The following DPP6 variants were observed in gnomAD, a reference collection of about 807,000 sequenced individuals.
The protein encoded by DPP6 is dipeptidyl peptidase like 6, also known as A-type potassium channel modulatory protein DPP6.
DPP6 carries 69 observed loss-of-function variants against 122.6 expected under a neutral mutation model. That is an observed-to-expected ratio of 0.56 (90% confidence interval 0.46 to 0.69). DPP6 has a LOEUF of 0.69. Ranked by LOEUF, DPP6 falls within the 30% of genes least tolerant of loss-of-function variation. The pLI, the probability that DPP6 is intolerant of heterozygous loss-of-function variation, is 0.00. For synonymous variants in DPP6, 418 were observed against 433.1 expected, an observed-to-expected ratio of 0.97 and a Z score of 0.43; for missense variants, 928 against 1,116.9, an observed-to-expected ratio of 0.83 and a Z score of 2.41.
At chr7:154,340,539 A>T (rs1336826706) in intron 1 of DPP6, among the ~76,000 whole-genome samples, 1 of 152,168 alleles carries the variant, frequency 6.6e-6, no homozygotes, top group Non-Finnish European at 1.5e-5. Flanking sequence ...TCTGATTTTA[A>T]TGAGTGTATT....
rs115672093 is a variant in DPP6, at chr7:154,583,974, G to A, written c.627+17058G>A. 3.4e-3 allele frequency among the ~76,000 whole-genome samples: 511 copies of A among 152,148 alleles called. 8 individuals are homozygous for A. Among genetic ancestry groups the A allele is most frequent in the African/African-American group, 0.012 (478 of 41,520 alleles). On this transcript the variant is annotated intron_variant, in intron 5 of 25. Transcript: ENST00000377770. ...CTGTCTCCCTGGCCCAGGCAGCATCGCCATCCCCCTGCCTTTGGGATATGT... is the reference window on the plus strand; with the variant it reads ...CTGTCTCCCTGGCCCAGGCAGCATCACCATCCCCCTGCCTTTGGGATATGT...
intron 1 of DPP6, among the ~76,000 whole-genome samples, chr7:153,999,480 T>C (rs2129045180): frequency 6.6e-6 from 1 of 152,338 alleles, no homozygotes; most frequent in African/African-American, 2.4e-5. Context: ...CTTTTTCCTT[T>C]TCTGAATGCA....
At chr7:154,278,944 G>A (rs1225039020) in intron 1 of DPP6, among the ~76,000 whole-genome samples, 1 of 151,582 alleles carries the variant, frequency 6.6e-6, no homozygotes, top group South Asian at 2.1e-4. Context: ...TGTGTTTGTT[G>A]TGTGGTATGT....
At chr7:153,975,839 G>A (rs952521777) in intron 1 of DPP6, among the ~76,000 whole-genome samples, 7 of 152,324 alleles carry the variant, frequency 4.6e-5, no homozygotes, top group South Asian at 2.1e-4. Flanking sequence ...GGCTCTAGCC[G>A]TCACTCAATG....
chr7:154,088,055 A>C (rs1178552638), intron 1 of DPP6, among the ~76,000 whole-genome samples: 1 of 152,098 alleles, frequency 6.6e-6, no homozygotes, highest in African/African-American at 2.4e-5. Flanking sequence ...ATTGGAATCT[A>C]CCCTCTCAGC....
chr7:154,061,675 T>C (rs1235136856), intron 1 of DPP6, among the ~76,000 whole-genome samples: 2 of 131,820 alleles, frequency 1.5e-5, no homozygotes, highest in Admixed American at 7.2e-5. Context: ...CTTCCCCCCC[T>C]GGCTCTTGGG....
chr7:154,630,097 G>A (rs1396418343), intron 5 of DPP6, among the ~76,000 whole-genome samples: 4 of 152,212 alleles, frequency 2.6e-5, no homozygotes, highest in African/African-American at 9.6e-5. Context: ...TAAGCAACTT[G>A]TGCAAGTTCA....
At chr7:154,711,670 A>G (rs1248052732) in intron 7 of DPP6, among the ~76,000 whole-genome samples, 1 of 151,890 alleles carries the variant, frequency 6.6e-6, no homozygotes, top group Non-Finnish European at 1.5e-5. Flanking sequence ...CTTTTTTATC[A>G]TCTCACCCTT....
the DPP6 span, among the ~76,000 whole-genome samples, chr7:153,808,185 C>CTG: frequency 4.9e-5 from 7 of 143,836 alleles, no homozygotes; most frequent in African/African-American, 1.0e-4. Context: ...CTTGTTGCCA[C>CTG]TGTGTGTGTG....
chr7:154,599,351 G>T (rs12719626), intron 5 of DPP6, among the ~76,000 whole-genome samples: 13 of 151,852 alleles, frequency 8.6e-5, no homozygotes, highest in African/African-American at 3.1e-4. Context: ...CAAAACCACC[G>T]CATTAAGTGG....
intron 1 of DPP6, among the ~76,000 whole-genome samples, chr7:153,933,656 T>C (rs1801281167): frequency 6.6e-6 from 1 of 151,454 alleles, no homozygotes; most frequent in African/African-American, 2.4e-5. Flanking sequence ...TGTTAAAATA[T>C]TTGCAATGCC....
intron 17 of DPP6, among the ~76,000 whole-genome samples, chr7:154,857,834 A>G (rs2150589187): frequency 6.6e-6 from 1 of 152,344 alleles, no homozygotes; most frequent in South Asian, 2.1e-4. Context: ...CACTTCACAC[A>G]TCAGCCTTTG....
chr7:154,887,710 T>G lies in DPP6; in HGVS notation c.2280T>G (p.His760Gln). 1 of 1,613,922 alleles carries G rather than the reference T, an allele frequency of 6.2e-7. No individual in the cohort carries two copies. Among genetic ancestry groups the G allele is most frequent in the Non-Finnish European group, 8.5e-7 (1 of 1,179,826 alleles). Residue 760 changes from histidine to glutamine, a missense_variant, in exon 23 of 26, where the codon CAT becomes CAG. By Grantham distance (24) the His-to-Gln change is conservative (BLOSUM62 0). Transcript: ENST00000377770. ...SAFSERYLGL[H>Q]GLDNRAYEMT... ...TTTCCGAGAGGTACTTGGGCCTCCA[T>G]GGACTTGACAACAGAGCATACGAGG...
the DPP6 span, among the ~76,000 whole-genome samples, chr7:153,763,245 C>G: frequency 6.6e-6 from 1 of 152,066 alleles, no homozygotes; most frequent in East Asian, 1.9e-4. Flanking sequence ...GAAGAAAAAC[C>G]ATTAATTCCT....
At chr7:153,798,089 G>T in the DPP6 span, among the ~76,000 whole-genome samples, 2 of 151,958 alleles carry the variant, frequency 1.3e-5, no homozygotes, top group Non-Finnish European at 2.9e-5. Flanking sequence ...TGATCCGCCC[G>T]CCTCGGCCTC....
At chr7:154,628,238 A>G (rs1232633565) in intron 5 of DPP6, among the ~76,000 whole-genome samples, 3 of 152,222 alleles carry the variant, frequency 2.0e-5, no homozygotes, top group Non-Finnish European at 4.4e-5. Flanking sequence ...AGACAGTTTC[A>G]TGGTTCTGAA....
At chr7:153,793,078 A>G in the DPP6 span, among the ~76,000 whole-genome samples, 61,656 of 149,428 alleles carry the variant, frequency 0.41, 10,918 homozygotes, top group Middle Eastern at 0.49. Context: ...ATGAAAACAA[A>G]CTAATGCGGT....
chr7:153,802,605 ATGT>A, the DPP6 span, among the ~76,000 whole-genome samples: 2 of 152,028 alleles, frequency 1.3e-5, no homozygotes, highest in Non-Finnish European at 2.9e-5. Context: ...TCAATTATTG[ATGT>A]TGTAAAATGC....
rs553829311 is a variant in DPP6, at chr7:154,297,198, T to G, written c.244-149016T>G. Among the ~76,000 whole-genome samples the G allele has an allele frequency of 1.6e-4, 25 of 152,232 alleles. No individual in the cohort carries two copies. In the South Asian group the frequency reaches 4.4e-3, roughly 27 times the overall value. ...TTTACTTGACCTGCAACAGAGTTGC[T>G]GTAGACCAGGGGTGGGCAAATTCTT... On this transcript the variant is annotated intron_variant, in intron 1 of 25. Coordinates refer to ENST00000377770, the MANE Select transcript of DPP6 (RefSeq NM_130797.4).
Sources: gnomAD v4.1 joint callset for allele counts (sites outside exome capture counted in the v4.1 genomes callset) on GRCh38, gnomAD v4.1.1 for gene constraint, MANE v1.5 for transcripts, NCBI Gene and HGNC (gene_info 2026-07-23, HGNC 2026-07-21) for gene names.